The following SV2C variants were observed in gnomAD, a reference collection of about 807,000 sequenced individuals.
SV2C encodes solute carrier family 22 member B3.
Under a neutral mutation model 79.7 loss-of-function variants are expected in SV2C, and 49 were observed. The ratio of observed to expected loss-of-function variants is 0.61; its 90% CI spans 0.49 to 0.78. SV2C has a LOEUF of 0.78. Ranked by LOEUF, SV2C falls within the 30% of genes least tolerant of loss-of-function variation. SV2C has a pLI of 0.00. For synonymous variants in SV2C, 334 were observed against 333.2 expected, an observed-to-expected ratio of 1.00 and a Z score of -0.03; for missense variants, 833 against 912.9, an observed-to-expected ratio of 0.91 and a Z score of 1.13.
the SV2C span, among the ~76,000 whole-genome samples, chr5:75,872,377 G>C: frequency 2.6e-5 from 4 of 152,030 alleles, no homozygotes; most frequent in East Asian, 7.7e-4. Context: ...ACTCCAATTT[G>C]GTTCTTCTTA....
At chr5:76,155,002 C>G (rs974779393) in intron 2 of SV2C, among the ~76,000 whole-genome samples, 2 of 152,154 alleles carry the variant, frequency 1.3e-5, no homozygotes, top group African/African-American at 4.8e-5. Flanking sequence ...TCAGCATTCA[C>G]TGAATTCACA....
At chr5:76,223,258 A>G (rs1745124916) in intron 4 of SV2C, among the ~76,000 whole-genome samples, 1 of 151,394 alleles carries the variant, frequency 6.6e-6, no homozygotes. Flanking sequence ...GGCAACATAT[A>G]TTCTATAAAA....
intron 1 of SV2C, 61 bp downstream of exon 1, chr5:76,083,573 C>T (rs987484630): frequency 1.0e-4 from 16 of 152,496 alleles, no homozygotes; most frequent in African/African-American, 3.8e-4. Context: ...CTGGATTTCT[C>T]TTCCCGACTG....
chr5:76,009,781 G>T, the SV2C span, among the ~76,000 whole-genome samples: 1 of 151,990 alleles, frequency 6.6e-6, no homozygotes, highest in East Asian at 1.9e-4. Context: ...GGTGGGCAAG[G>T]GTTGAAAAAC....
At chr5:75,851,864 C>G in the SV2C span, among the ~76,000 whole-genome samples, 1 of 152,084 alleles carries the variant, frequency 6.6e-6, no homozygotes, top group Non-Finnish European at 1.5e-5. Flanking sequence ...AGGGTTTCAC[C>G]GTCTTAGCCA....
chr5:75,902,877 A>G, the SV2C span, among the ~76,000 whole-genome samples: 1 of 152,212 alleles, frequency 6.6e-6, no homozygotes, highest in Non-Finnish European at 1.5e-5. Flanking sequence ...TCTATTCAGT[A>G]AGATGTGAAG....
intron 1 of SV2C, among the ~76,000 whole-genome samples, chr5:76,116,350 T>C (rs1561222050): frequency 2.0e-5 from 3 of 152,294 alleles, no homozygotes; most frequent in Non-Finnish European, 1.5e-5. Flanking sequence ...GTCTCTGACT[T>C]TTAGCTCCCA....
At chr5:76,126,595 T>G (rs1256739671) in intron 1 of SV2C, among the ~76,000 whole-genome samples, 1 of 152,158 alleles carries the variant, frequency 6.6e-6, no homozygotes, top group Non-Finnish European at 1.5e-5. Context: ...GGCAGGTAGT[T>G]CACCATTTGT....
chr5:76,072,218 T>C, the SV2C span, among the ~76,000 whole-genome samples: 1 of 152,232 alleles, frequency 6.6e-6, no homozygotes, highest in African/African-American at 2.4e-5. Flanking sequence ...AGAAAAACTC[T>C]TGATAATCCT....
chr5:76,254,240 G>GTATA (rs67420685), intron 4 of SV2C, among the ~76,000 whole-genome samples: 32 of 65,400 alleles, frequency 4.9e-4, no homozygotes, highest in African/African-American at 1.8e-3. Context: ...ATGTGTGTGT[G>GTATA]TATATATATA....
At chr5:75,858,867 A>G in the SV2C span, among the ~76,000 whole-genome samples, 1 of 151,988 alleles carries the variant, frequency 6.6e-6, no homozygotes, top group African/African-American at 2.4e-5. Flanking sequence ...TCTATTCCCA[A>G]TTTTTGGCAT....
chr5:75,956,290 G>C, the SV2C span, among the ~76,000 whole-genome samples: 1 of 144,122 alleles, frequency 6.9e-6, no homozygotes, highest in Admixed American at 7.0e-5. Flanking sequence ...GTAAACTATC[G>C]CAAGAACAAA....
intron 4 of SV2C, among the ~76,000 whole-genome samples, chr5:76,246,355 T>C (rs1745947960): frequency 6.6e-6 from 1 of 152,222 alleles, no homozygotes; most frequent in Non-Finnish European, 1.5e-5. Flanking sequence ...TAAGTGATTA[T>C]CGGTAACATA....
intron 12 of SV2C, among the ~76,000 whole-genome samples, chr5:76,343,097 C>T (rs1014565854): frequency 2.0e-5 from 3 of 152,066 alleles, no homozygotes; most frequent in Non-Finnish European, 4.4e-5. Context: ...TCAACCTCTC[C>T]GTTTAGGTCA....
At chr5:76,206,535 G>C (rs1561263967) in intron 3 of SV2C, among the ~76,000 whole-genome samples, 5 of 152,174 alleles carry the variant, frequency 3.3e-5, no homozygotes, top group African/African-American at 1.2e-4. Flanking sequence ...GGTCATATTG[G>C]TTCAGAAAGT....
At chr5:76,275,269 C>T (rs1313340231) in intron 4 of SV2C, among the ~76,000 whole-genome samples, 1 of 152,080 alleles carries the variant, frequency 6.6e-6, no homozygotes, top group Non-Finnish European at 1.5e-5. Context: ...GGGCAGATCA[C>T]GAGGTCAAGA....
chr5:75,872,935 G>T, the SV2C span, among the ~76,000 whole-genome samples: 1 of 151,572 alleles, frequency 6.6e-6, no homozygotes, highest in South Asian at 2.1e-4. Context: ...AAAAGAAAAA[G>T]AAAAATAATA....
chr5:76,286,988 G>A (rs915651705), intron 6 of SV2C, among the ~76,000 whole-genome samples: 5 of 152,010 alleles, frequency 3.3e-5, no homozygotes, highest in Non-Finnish European at 4.4e-5. Flanking sequence ...GTGGGGACAC[G>A]GCCAAACCAT....
the SV2C span, among the ~76,000 whole-genome samples, chr5:75,918,518 G>C: frequency 6.6e-6 from 1 of 152,230 alleles, no homozygotes; most frequent in Non-Finnish European, 1.5e-5. Flanking sequence ...ATATGAGGAA[G>C]AACTTACTCA....
Sources: allele counts gnomAD v4.1 joint callset (sites outside exome capture counted in the v4.1 genomes callset), GRCh38; gene constraint gnomAD v4.1.1; transcripts MANE v1.5; gene names NCBI Gene and HGNC (gene_info 2026-07-23, HGNC 2026-07-21).